Variants in SUGCT observed in about 807,000 individuals in gnomAD.
SUGCT encodes succinyl-CoA:glutarate CoA-transferase.
Under a neutral mutation model 55.0 loss-of-function variants are expected in SUGCT, and 41 were observed. The observed-to-expected ratio is 0.74, with a 90% CI of 0.58 to 0.97. The LOEUF (loss-of-function observed/expected upper bound fraction) is 0.97. Among genes scored for constraint, SUGCT ranks in the 50% least tolerant of loss-of-function variants. SUGCT has a pLI of 0.00. For synonymous variants in SUGCT, 187 were observed against 200.4 expected (o/e 0.93, Z 0.56); for missense variants, 568 against 547.8 (o/e 1.04, Z -0.37).
At chr7:41,028,196 G>A in the SUGCT span, among the ~76,000 whole-genome samples, 7 of 151,728 alleles carry the variant, frequency 4.6e-5, no homozygotes, top group South Asian at 1.4e-3. Flanking sequence ...CATTACAGCA[G>A]CAGACCTAGA....
At chr7:40,724,167 A>C (rs1303397041) in intron 12 of SUGCT, among the ~76,000 whole-genome samples, 2 of 152,230 alleles carry the variant, frequency 1.3e-5, no homozygotes, top group Non-Finnish European at 2.9e-5. Context: ...CTGTTCCCTT[A>C]ATCGGAGAAA....
intron 1 of SUGCT, among the ~76,000 whole-genome samples, chr7:40,140,724 A>G (rs1310442901): frequency 6.6e-6 from 1 of 152,036 alleles, no homozygotes; most frequent in Non-Finnish European, 1.5e-5. Flanking sequence ...TATAGACACT[A>G]TGAGTATTAT....
intron 9 of SUGCT, among the ~76,000 whole-genome samples, chr7:40,335,984 T>C (rs1450128732): frequency 6.6e-6 from 1 of 152,202 alleles, no homozygotes; most frequent in Non-Finnish European, 1.5e-5. Context: ...TCGAAGGCCT[T>C]TTTTGCATCT....
chr7:40,334,965 G>A (rs981143217), intron 9 of SUGCT, among the ~76,000 whole-genome samples: 11 of 152,078 alleles, frequency 7.2e-5, no homozygotes, highest in Non-Finnish European at 1.0e-4. Flanking sequence ...TCAGCTTTCT[G>A]CATATGGCTA....
At chr7:40,216,085 A>T (rs973635376) in intron 6 of SUGCT, among the ~76,000 whole-genome samples, 1 of 151,640 alleles carries the variant, frequency 6.6e-6, no homozygotes, top group African/African-American at 2.4e-5. Context: ...CAATTTACTT[A>T]CAGCTCTCAT....
intron 1 of SUGCT, among the ~76,000 whole-genome samples, chr7:40,140,092 C>CG: frequency 6.6e-6 from 1 of 151,976 alleles, no homozygotes; most frequent in East Asian, 1.9e-4. Flanking sequence ...TTAGTAGAGA[C>CG]AGGGTTTCTC....
chr7:40,850,516 A>G lies in SUGCT; in HGVS notation c.1154-9800A>G, dbSNP rs562955491. Reference sequence around the variant, plus strand: ...AAAGGGTATAAAATGAATTTCTGGTACACGTCCTGATGCTGTTAGAGACAC... The same window carrying G: ...AAAGGGTATAAAATGAATTTCTGGTGCACGTCCTGATGCTGTTAGAGACAC... On this transcript the variant is annotated intron_variant, in intron 13 of 13. Coordinates refer to ENST00000335693, the MANE Select transcript of SUGCT (RefSeq NM_001193313.2). Among the ~76,000 whole-genome samples, 10 of 152,330 alleles carry G rather than the reference A, an allele frequency of 6.6e-5. No individual in the cohort carries two copies. The South Asian group carries it at 2.1e-3, about 32-fold the overall frequency.
chr7:40,166,731 A>G (rs1784439373), intron 1 of SUGCT, among the ~76,000 whole-genome samples: 1 of 152,118 alleles, frequency 6.6e-6, no homozygotes, highest in South Asian at 2.1e-4. Context: ...CACTAAAAAT[A>G]CAAAAATTAG....
At chr7:40,947,831 T>G in the SUGCT span, among the ~76,000 whole-genome samples, 1 of 152,224 alleles carries the variant, frequency 6.6e-6, no homozygotes, top group African/African-American at 2.4e-5. Flanking sequence ...AAGGGATATC[T>G]TCAATGCTCA....
chr7:40,329,054 G>T (rs921406053), intron 9 of SUGCT, among the ~76,000 whole-genome samples: 2 of 152,116 alleles, frequency 1.3e-5, no homozygotes, highest in Non-Finnish European at 2.9e-5. Context: ...AGTTGGATTC[G>T]CATGTAGTTA....
At chr7:40,793,225 A>G (rs755523141) in intron 13 of SUGCT, 3 of 152,098 alleles carry the variant, frequency 2.0e-5, no homozygotes, top group Non-Finnish European at 2.9e-5. Context: ...GGCAACAAAA[A>G]TTGGAATTTG....
chr7:40,875,385 G>A, the SUGCT span, among the ~76,000 whole-genome samples: 1 of 152,154 alleles, frequency 6.6e-6, no homozygotes, highest in Non-Finnish European at 1.5e-5. Context: ...TCAAAAGGTG[G>A]CAGAACAAAA....
rs184046734 is a variant in SUGCT, at chr7:40,393,901, G to A, written c.817-55386G>A. ...ATGAATGTGGTGAGACACAAAGAGAGTAGTAAGAGATTGTACTGGTTTCTG... is the reference window on the plus strand; with the variant it reads ...ATGAATGTGGTGAGACACAAAGAGAATAGTAAGAGATTGTACTGGTTTCTG... On this transcript the variant is annotated intron_variant, in intron 9 of 13. Coordinates refer to ENST00000335693, the MANE Select transcript of SUGCT (RefSeq NM_001193313.2). Among the ~76,000 whole-genome samples, 7 of 152,296 alleles carry A rather than the reference G, an allele frequency of 4.6e-5. No individual in the cohort carries two copies. The East Asian group carries it at 1.4e-3, about 29-fold the overall frequency.
At chr7:40,370,728 CT>C (rs895423841) in intron 9 of SUGCT, among the ~76,000 whole-genome samples, 6 of 149,722 alleles carry the variant, frequency 4.0e-5, no homozygotes, top group African/African-American at 7.4e-5. Context: ...TTTCCTTTTT[CT>C]TTTTTTTTGC....
At chr7:40,708,089 A>G (rs539125201) in intron 12 of SUGCT, among the ~76,000 whole-genome samples, 21 of 152,320 alleles carry the variant, frequency 1.4e-4, no homozygotes, top group Middle Eastern at 6.8e-3. Context: ...CAGGAATAGA[A>G]TGTGGTCTCA....
intron 13 of SUGCT, among the ~76,000 whole-genome samples, chr7:40,788,818 CACATAACCAAGT>C (rs1411641666): frequency 1.1e-4 from 17 of 152,242 alleles, no homozygotes; most frequent in African/African-American, 3.6e-4. Context: ...CAGGGCTAGG[CACATAACCAAGT>C]ACAGAACCTG....
intron 12 of SUGCT, among the ~76,000 whole-genome samples, chr7:40,591,118 A>G (rs1797695229): frequency 6.6e-6 from 1 of 152,152 alleles, no homozygotes; most frequent in Non-Finnish European, 1.5e-5. Context: ...ATCTGGGCAA[A>G]AGAAATTAAA....
At chr7:40,525,516 A>G (rs919071727) in intron 12 of SUGCT, among the ~76,000 whole-genome samples, 3 of 152,120 alleles carry the variant, frequency 2.0e-5, no homozygotes, top group Non-Finnish European at 2.9e-5. Flanking sequence ...TTGTTCAGTA[A>G]TCTAGGATGA....
chr7:40,714,236 A>G (rs555055998), intron 12 of SUGCT, among the ~76,000 whole-genome samples: 1 of 152,268 alleles, frequency 6.6e-6, no homozygotes, highest in East Asian at 1.9e-4. Flanking sequence ...AGGCTGAGGC[A>G]GGAGAATTGC....
Sources: allele counts gnomAD v4.1 joint callset (sites outside exome capture counted in the v4.1 genomes callset), GRCh38; gene constraint gnomAD v4.1.1; transcripts MANE v1.5; gene names NCBI Gene and HGNC (gene_info 2026-07-23, HGNC 2026-07-21).